The following C13orf42 variants were observed in gnomAD, a reference collection of about 807,000 sequenced individuals.
The protein encoded by C13orf42 is uncharacterized protein C13orf42.
At chr13:51,106,990 T>C (rs1953364249) in intron 1 of C13orf42, among the ~76,000 whole-genome samples, 1 of 152,220 alleles carries the variant, frequency 6.6e-6, no homozygotes, top group Admixed American at 6.5e-5. Context: ...TAATGACCTA[T>C]TCTGAGGGAG....
At chr13:51,108,285 A>G (rs1038849623) in intron 1 of C13orf42, among the ~76,000 whole-genome samples, 66 of 152,136 alleles carry the variant, frequency 4.3e-4, no homozygotes, top group Non-Finnish European at 1.2e-4. Context: ...CCACATATAC[A>G]TTTTGAGGAG....
intron 1 of C13orf42, among the ~76,000 whole-genome samples, chr13:51,116,673 A>G (rs2138010005): frequency 6.6e-6 from 1 of 152,368 alleles, no homozygotes; most frequent in African/African-American, 2.4e-5. Context: ...AGAAAGGCTA[A>G]TTATTTGTTT....
chr13:51,088,447 A>G (rs1953152298), intron 1 of C13orf42, among the ~76,000 whole-genome samples: 1 of 152,140 alleles, frequency 6.6e-6, no homozygotes, highest in Non-Finnish European at 1.5e-5. Flanking sequence ...CGCTCACCAC[A>G]GGAAAGAGAT....
rs1953429213 is a variant in C13orf42, at chr13:51,111,211, G to C, written c.-2C>G. 1 of 398,664 alleles carries C rather than the reference G, an allele frequency of 2.5e-6. No individual in the cohort carries two copies. Among genetic ancestry groups the C allele is most frequent in the African/African-American group, 2.1e-5 (1 of 48,738 alleles). The allele number at this position is 398,664 out of a possible 1,614,324, so 24.7% of individuals were successfully genotyped here. On this transcript the variant is annotated 5_prime_UTR_variant, in exon 1 of 4. Transcript: ENST00000563710. ...GATGGAGTGGATCTTTCTGAACATA[G>C]TGCTCGATTTCTTTCTGTGGGTACC... is the stretch of plus-strand genomic sequence containing the variant.
chr13:51,099,987 T>A (rs1338484944), intron 1 of C13orf42, among the ~76,000 whole-genome samples: 1 of 152,144 alleles, frequency 6.6e-6, no homozygotes, highest in Non-Finnish European at 1.5e-5. Context: ...TAGTGTAAAA[T>A]CTTCACATAC....
At chr13:51,156,171 G>A (rs916830762) in intron 1 of C13orf42, among the ~76,000 whole-genome samples, 3 of 152,186 alleles carry the variant, frequency 2.0e-5, no homozygotes, top group Non-Finnish European at 4.4e-5. Context: ...CACGTGCCTA[G>A]GATTCGGGGC....
At chr13:51,136,770 GCCTGGCGC>G (rs1336682315) in intron 1 of C13orf42, among the ~76,000 whole-genome samples, 4 of 152,216 alleles carry the variant, frequency 2.6e-5, no homozygotes, top group African/African-American at 9.6e-5. Context: ...ACCCCCAGGA[GCCTGGCGC>G]GAGGCCCTGA....
intron 1 of C13orf42, among the ~76,000 whole-genome samples, chr13:51,104,476 C>T (rs1409463420): frequency 6.6e-6 from 1 of 152,120 alleles, no homozygotes; most frequent in African/African-American, 2.4e-5. Flanking sequence ...TGCCTGAGTC[C>T]AGGAGTTTGA....
At chr13:51,148,888 C>G (rs1424814360) in intron 1 of C13orf42, among the ~76,000 whole-genome samples, 2 of 152,220 alleles carry the variant, frequency 1.3e-5, no homozygotes, top group East Asian at 3.9e-4. Context: ...CCCAGGACTC[C>G]ACGGCTCAGG....
At chr13:51,158,376 T>C (rs1469193999) in intron 1 of C13orf42, among the ~76,000 whole-genome samples, 2 of 152,244 alleles carry the variant, frequency 1.3e-5, no homozygotes, top group Non-Finnish European at 2.9e-5. Context: ...GGAGGGATAA[T>C]TTCTACTTTG....
intron 1 of C13orf42, among the ~76,000 whole-genome samples, chr13:51,103,431 A>G (rs9568512): frequency 0.17 from 26,393 of 152,010 alleles, 3,345 homozygotes; most frequent in African/African-American, 0.36. Flanking sequence ...GGCCAGGCGC[A>G]GTGGCTCACA....
At chr13:51,159,022 A>G (rs1953843606) in intron 1 of C13orf42, among the ~76,000 whole-genome samples, 1 of 152,154 alleles carries the variant, frequency 6.6e-6, no homozygotes, top group Non-Finnish European at 1.5e-5. Flanking sequence ...GGCCCCTTTC[A>G]ATTTCCTCAC....
intron 1 of C13orf42, among the ~76,000 whole-genome samples, chr13:51,103,372 C>T (rs1275731222): frequency 6.6e-6 from 1 of 152,148 alleles, no homozygotes; most frequent in Non-Finnish European, 1.5e-5. Context: ...TCCTCTTCAC[C>T]TCCCATTGAA....
intron 1 of C13orf42, among the ~76,000 whole-genome samples, chr13:51,097,999 G>A (rs1953252894): frequency 6.6e-6 from 1 of 152,078 alleles, no homozygotes; most frequent in Non-Finnish European, 1.5e-5. Flanking sequence ...AGTCTTCCCT[G>A]CTCCATCTCC....
At chr13:51,160,851 A>T (rs1427302824) in intron 1 of C13orf42, among the ~76,000 whole-genome samples, 1 of 152,050 alleles carries the variant, frequency 6.6e-6, no homozygotes, top group Non-Finnish European at 1.5e-5. Flanking sequence ...TTCTTTCTGA[A>T]ATAAAAAACA....
rs1259161099 is a variant in C13orf42 at position 51,111,047 on chromosome 13, T to A, written c.163A>T (p.Lys55Ter). ...TCCATGCTACTGGTGCTTTTGTACT[T>A]CTTTAAGGACTCGCTGAATTTCTCC... The part of the protein sequence containing the change: ...HGEKFSESLK[K>*]YKSTSSMDTS... Residue 55 changes from lysine (K) to a stop codon, truncating the protein, a stop_gained, in exon 1 of 4, where the codon AAG becomes TAG. Transcript: ENST00000563710. LOFTEE classifies it high-confidence loss of function. The A allele has an allele frequency of 2.5e-5, 10 of 398,600 alleles. No homozygotes were observed. The highest frequency in any genetic ancestry group is 8.8e-6 in the Non-Finnish European group (2 of 226,160). The allele number at this position is 398,600 out of a possible 1,614,324, so 24.7% of individuals were successfully genotyped here.
At chr13:51,169,066 T>C (rs1239446538) in intron 1 of C13orf42, among the ~76,000 whole-genome samples, 2 of 152,140 alleles carry the variant, frequency 1.3e-5, no homozygotes, top group Non-Finnish European at 2.9e-5. Flanking sequence ...CAGACTAATA[T>C]AGAAAATTGG....
At position 51,138,353 on chromosome 13, in the gene C13orf42, A is replaced by G. The variant is rs74992380; in HGVS notation, n.137-25131T>C. On this transcript the variant is annotated intron_variant and non_coding_transcript_variant, in intron 1 of 4. Transcript: ENST00000433280. Reference sequence around the variant, plus strand: ...AGGTTAAAATCTTTCATTTCTTACAACTCAATAGCCAAAAACAAAAACAAA... The same window carrying G: ...AGGTTAAAATCTTTCATTTCTTACAGCTCAATAGCCAAAAACAAAAACAAA... Among the ~76,000 whole-genome samples, 70 of 152,282 alleles carry G rather than the reference A, an allele frequency of 4.6e-4. 1 individual carries two copies. In the East Asian group the frequency reaches 0.013, roughly 29 times the overall value.
chr13:51,156,181 C>T (rs1953823146), intron 1 of C13orf42, among the ~76,000 whole-genome samples: 2 of 152,142 alleles, frequency 1.3e-5, no homozygotes. Context: ...GGATTCGGGG[C>T]TATGTTAACC....
Sources: gnomAD v4.1 joint callset for allele counts (sites outside exome capture counted in the v4.1 genomes callset) on GRCh38, gnomAD v4.1.1 for gene constraint, MANE v1.5 for transcripts, NCBI Gene and HGNC (gene_info 2026-07-23, HGNC 2026-07-21) for gene names.